Variants in EDA observed in about 807,000 individuals in gnomAD.
The protein encoded by EDA is ectodysplasin A, also known as ectodysplasin-A.
Under a neutral mutation model 23.6 loss-of-function variants are expected in EDA, and 2 were observed. The observed-to-expected ratio is 0.08, with a 90% CI of 0.03 to 0.27. The LOEUF (loss-of-function observed/expected upper bound fraction) is 0.27, where lower values mean the gene tolerates loss of function less well. EDA is among the 10% of genes least tolerant of loss of function. The pLI is 1.00. For synonymous variants in EDA, 131 were observed against 132.0 expected (o/e 0.99, Z 0.05); for missense variants, 229 against 324.2 (o/e 0.71, Z 2.26).
rs951912840 is a variant in EDA, at chrX:70,013,554, A to C, written c.503-9664A>C. The stretch of plus-strand genomic sequence containing the variant: ...AACAAAGAGCCTAAGGGCTTTACTT[A>C]TACTTCCAGCACACCACAGTTGCCA... On this transcript the variant is annotated intron_variant, in intron 2 of 7. Transcript: ENST00000374552. 4.5e-5 allele frequency among the ~76,000 whole-genome samples: 5 copies of C among 110,254 alleles called. No homozygotes were observed. In the South Asian group the frequency reaches 1.2e-3, roughly 26 times the overall value.
chrX:69,921,113 G>A (rs1219118297), intron 1 of EDA, among the ~76,000 whole-genome samples: 1 of 110,934 alleles, frequency 9.0e-6, no homozygotes, highest in African/African-American at 3.3e-5. Flanking sequence ...TCCCTTTGAT[G>A]TACCCTCATG....
At chrX:69,719,613 A>T (rs2012495598) in intron 1 of EDA, among the ~76,000 whole-genome samples, 1 of 110,508 alleles carries the variant, frequency 9.0e-6, no homozygotes, top group Admixed American at 9.7e-5. Context: ...TTGTTTTTCC[A>T]TTCCTGAGTT....
chrX:69,739,265 T>A (rs1942126591), intron 1 of EDA, among the ~76,000 whole-genome samples: 1 of 111,517 alleles, frequency 9.0e-6, no homozygotes, highest in Non-Finnish European at 1.9e-5. Flanking sequence ...AAACATTTTA[T>A]CTTAAAGTAT....
At chrX:69,698,429 AGTTAT>A (rs2036716099) in intron 1 of EDA, among the ~76,000 whole-genome samples, 2 of 111,424 alleles carry the variant, frequency 1.8e-5, no homozygotes, top group Admixed American at 1.9e-4. Context: ...CCTGCAAGAC[AGTTAT>A]GTTGAGAGGA....
intron 1 of EDA, among the ~76,000 whole-genome samples, chrX:69,626,684 T>C (rs1212442336): frequency 3.6e-5 from 4 of 111,314 alleles, no homozygotes; most frequent in Non-Finnish European, 5.7e-5. Flanking sequence ...AGGGCACTTA[T>C]TGGGGATGAA....
At chrX:69,955,764 C>A (rs1569384442) in intron 1 of EDA, among the ~76,000 whole-genome samples, 1 of 111,707 alleles carries the variant, frequency 9.0e-6, no homozygotes, top group East Asian at 2.8e-4. Flanking sequence ...CTATTATTAT[C>A]CCTACTTACT....
intron 1 of EDA, among the ~76,000 whole-genome samples, chrX:69,754,968 A>G: frequency 9.0e-6 from 1 of 111,337 alleles, no homozygotes. Flanking sequence ...TCTTTTTTCA[A>G]GGTTTTTAGC....
chrX:70,000,139 A>T (rs757531018), intron 2 of EDA, among the ~76,000 whole-genome samples: 1 of 112,329 alleles, frequency 8.9e-6, no homozygotes, highest in Admixed American at 9.4e-5. Context: ...TGGTAAATAT[A>T]TTAGAGGCAT....
At chrX:69,809,600 C>T (rs2015896672) in intron 1 of EDA, among the ~76,000 whole-genome samples, 1 of 111,502 alleles carries the variant, frequency 9.0e-6, no homozygotes, top group African/African-American at 3.3e-5. Context: ...GTGAGGCATA[C>T]CTGTTTGTCC....
chrX:69,725,818 A>G (rs2012777584), intron 1 of EDA, among the ~76,000 whole-genome samples: 1 of 112,606 alleles, frequency 8.9e-6, no homozygotes, highest in South Asian at 3.6e-4. Flanking sequence ...GGATAAAATT[A>G]CAAAATATCT....
At chrX:69,967,618 A>G (rs1372533172) in intron 2 of EDA, among the ~76,000 whole-genome samples, 1 of 112,121 alleles carries the variant, frequency 8.9e-6, no homozygotes, top group Non-Finnish European at 1.9e-5. Flanking sequence ...AAATTGGCTT[A>G]AGATTTTAGA....
chrX:69,851,726 A>G (rs1363418656), intron 1 of EDA, among the ~76,000 whole-genome samples: 3 of 112,035 alleles, frequency 2.7e-5, no homozygotes, highest in African/African-American at 9.7e-5. Flanking sequence ...AAATGAAGGC[A>G]GAGAATGATA....
intron 1 of EDA, among the ~76,000 whole-genome samples, chrX:69,743,253 A>G (rs1467358867): frequency 2.7e-5 from 3 of 111,476 alleles, no homozygotes; most frequent in African/African-American, 6.5e-5. Flanking sequence ...TACTACTACT[A>G]CTGCTGCTGC....
chrX:69,684,068 G>T (rs138451872), intron 1 of EDA, among the ~76,000 whole-genome samples: 1,168 of 112,203 alleles, frequency 0.01, 14 homozygotes, highest in African/African-American at 0.037. Flanking sequence ...AAGGCTTTGT[G>T]CAGATAAAGT....
intron 1 of EDA, among the ~76,000 whole-genome samples, chrX:69,672,919 A>G (rs1226726036): frequency 1.8e-5 from 2 of 110,103 alleles, no homozygotes; most frequent in Admixed American, 1.9e-4. Flanking sequence ...GAAAAAGAAA[A>G]CCACAGCAAG....
intron 6 of EDA, among the ~76,000 whole-genome samples, chrX:70,032,664 G>A (rs1320210446): frequency 1.8e-5 from 2 of 111,314 alleles, no homozygotes; most frequent in Admixed American, 9.4e-5. Context: ...GCCTGGGGTG[G>A]GGCTGAGACA....
chrX:69,632,418 G>A (rs1460162585), intron 1 of EDA, among the ~76,000 whole-genome samples: 1 of 111,985 alleles, frequency 8.9e-6, no homozygotes, highest in Admixed American at 9.4e-5. Context: ...CTACCATTTG[G>A]CTTTATCAGT....
At chrX:69,819,171 C>CT (rs2016151502) in intron 1 of EDA, among the ~76,000 whole-genome samples, 1 of 112,043 alleles carries the variant, frequency 8.9e-6, no homozygotes, top group Non-Finnish European at 1.9e-5. Flanking sequence ...TCCAATGTCC[C>CT]TTGATGTTAA....
chrX:70,035,578 C>T lies in EDA; in HGVS notation c.1145C>T (p.Ala382Val). The change falls in exon 8 of 8, where the codon GCC (alanine) becomes GTC (valine). Residue 382 changes from alanine to valine, a missense_variant. By Grantham distance (64) the Ala-to-Val change is moderately conservative. This residue lies in a region of EDA where 175 missense variants were observed against 281.8 expected (regional missense o/e 0.62). Transcript: ENST00000374552. The stretch of plus-strand genomic sequence containing the variant: ...AGCAAGCACACCACGTTCTTTGGGG[C>T]CATCAGGCTGGGTGAAGCCCCTGCA... ...NMSKHTTFFG[A>V]IRLGEAPAS is the part of the protein sequence containing the mutation. 1 of 1,208,460 alleles carries T rather than the reference C, an allele frequency of 8.3e-7. No individual in the cohort carries two copies. Among genetic ancestry groups the T allele is most frequent in the Non-Finnish European group, 1.1e-6 (1 of 894,791 alleles).
Sources: allele counts gnomAD v4.1 joint callset (sites outside exome capture counted in the v4.1 genomes callset), GRCh38; gene constraint gnomAD v4.1.1; regional missense constraint gnomAD v4.1.1; transcripts MANE v1.5; gene names NCBI Gene and HGNC (gene_info 2026-07-23, HGNC 2026-07-21).